COL16A1: variants seen among roughly 807,000 people sequenced by gnomAD.
COL16A1 encodes collagen type XVI alpha 1 chain.
A neutral mutation model predicts 266.3 loss-of-function variants in COL16A1; 189 were observed. The ratio of observed to expected loss-of-function variants is 0.71; its 90% CI spans 0.63 to 0.80. The LOEUF is 0.80. Ranked by LOEUF, COL16A1 falls within the 30% of genes least tolerant of loss-of-function variation. COL16A1 has a pLI of 0.00. For synonymous variants in COL16A1, 740 were observed against 782.3 expected (o/e 0.95, Z 0.90); for missense variants, 1,928 against 2,122.4 (o/e 0.91, Z 1.80).
At position 31,658,491 on chromosome 1, in the gene COL16A1, G is replaced by A; in HGVS notation, c.4017C>T (p.Pro1339=). 2 of 1,599,314 alleles carry A rather than the reference G, an allele frequency of 1.3e-6. No individual in the cohort carries two copies. The highest frequency in any genetic ancestry group is 2.2e-5 in the East Asian group (1 of 44,484). The change falls in exon 64 of 71, where the codon CCC becomes CCT. Residue 1339 remains proline (P), a synonymous_variant. Coordinates refer to ENST00000373672, the MANE Select transcript of COL16A1 (RefSeq NM_001856.4). ...GQPGPPGHPG[P]PGEPGTDGAA... ...GCTGTAGAATGTGGGATCTTACTGGGGGGCCAGGGTGTCCAGGGGGGCCGG... is the reference window on the plus strand; with the variant it reads ...GCTGTAGAATGTGGGATCTTACTGGAGGGCCAGGGTGTCCAGGGGGGCCGG...
rs1280097098 is a variant in COL16A1, at chr1:31,692,017, C to A, written c.1245G>T (p.Lys415Asn). ...GDGGIKGVPG[K>N]PGRDGRPGEI... ...CCCAGGCACCTACGTCCCGGCCTGGCTTTCCCGGCACGCCCTTGATGCCTC... is the reference window on the plus strand; with the variant it reads ...CCCAGGCACCTACGTCCCGGCCTGGATTTCCCGGCACGCCCTTGATGCCTC... The change falls in exon 17 of 71, where the codon AAG (lysine) becomes AAT (asparagine). Residue 415 changes from lysine (K) to asparagine (N), a missense_variant. Physicochemically the swap from Lys to Asn is moderately conservative, Grantham distance 94 (BLOSUM62 0). Around this residue, in one of 2 missense-constraint regions of COL16A1, gnomAD observed 1,552 missense variants for 1,637.2 expected, o/e 0.95. Transcript: ENST00000373672. 2.5e-6 allele frequency: 4 copies of A among 1,613,792 alleles called. No homozygotes were observed. The highest frequency in any genetic ancestry group is 1.3e-5 in the African/African-American group (1 of 74,906).
chr1:31,691,075 C>A, intron 20 of COL16A1, 113 bp downstream of exon 20: 1 of 1,507,806 alleles, frequency 6.6e-7, no homozygotes, highest in Admixed American at 2.1e-5. Flanking sequence ...CCTCCAAAGG[C>A]CCGGCCTCCT....
Position 31,673,879 on chromosome 1 carries a change from G to A in COL16A1, c.2860-1039C>T, listed in dbSNP as rs186184072. On this transcript the variant is annotated intron_variant, in intron 44 of 70. Coordinates refer to ENST00000373672, the MANE Select transcript of COL16A1 (RefSeq NM_001856.4). ...ATCTGACCCCTTCTCCACACTATGC[G>A]CACTTTCTATTTGGAATCCTCTGAA... Among the ~76,000 whole-genome samples, 133 of 152,274 alleles carry A rather than the reference G, an allele frequency of 8.7e-4. 2 individuals are homozygous for A. The highest frequency in any genetic ancestry group is 6.4e-3 in the South Asian group (31 of 4,828).
chr1:31,679,542 G>A (rs1241705253), intron 42 of COL16A1, 90 bp downstream of exon 42: 8 of 1,613,992 alleles, frequency 5.0e-6, no homozygotes, highest in Non-Finnish European at 6.8e-6. Context: ...TTGGGGTGGG[G>A]GAGCAGCATC....
chr1:31,665,059 T>C (rs1315479343), intron 56 of COL16A1, 113 bp downstream of exon 56: 3 of 1,486,566 alleles, frequency 2.0e-6, no homozygotes, highest in East Asian at 2.4e-5. Flanking sequence ...CCAGCCTCAG[T>C]GCAACTGGGT....
intron 68 of COL16A1, among the ~76,000 whole-genome samples, chr1:31,654,259 C>T (rs1640901162): frequency 6.6e-6 from 1 of 152,202 alleles, no homozygotes; most frequent in Non-Finnish European, 1.5e-5. Context: ...AAGCACAGAT[C>T]TGACTATGGC....
At chr1:31,699,696 G>A (rs759532645) in intron 4 of COL16A1, 117 bp downstream of exon 4, 73 of 721,492 alleles carry the variant, frequency 1.0e-4, no homozygotes, top group Non-Finnish European at 1.6e-4. Context: ...CTCCTGGCAG[G>A]GGCTGGGATG....
Position 31,690,570 on chromosome 1 carries a change from T to G in COL16A1, c.1441A>C (p.Ser481Arg). 1 of 1,613,668 alleles carries G rather than the reference T, an allele frequency of 6.2e-7. No homozygotes were observed. The highest frequency in any genetic ancestry group is 8.5e-7 in the Non-Finnish European group (1 of 1,179,832). Reference sequence around the variant, plus strand: ...CCTTCCTTTCCTGGGATCCCCGAGCTGCCCTGTGGTCAGAAGAAAGGATAA... The same window carrying G: ...CCTTCCTTTCCTGGGATCCCCGAGCGGCCCTGTGGTCAGAAGAAAGGATAA... ...GPPGPKGDKG[S>R]SGIPGKEGPG... The change falls in exon 21 of 71, where the codon AGC (serine) becomes CGC (arginine). Residue 481 changes from serine to arginine, a missense_variant. Ser to Arg is a moderately radical substitution (Grantham distance 110, BLOSUM62 -1). Coordinates refer to ENST00000373672, the MANE Select transcript of COL16A1 (RefSeq NM_001856.4).
chr1:31,680,817 C>A, intron 39 of COL16A1, 88 bp downstream of exon 39: 1 of 1,604,378 alleles, frequency 6.2e-7, no homozygotes, highest in Non-Finnish European at 8.5e-7. Context: ...GGAGGGGCTG[C>A]TAATCCCCCA....
chr1:31,688,679 G>C lies in COL16A1; in HGVS notation c.1768-177C>G. 1.8e-6 allele frequency: 2 copies of C among 1,116,694 alleles called. No homozygotes were observed. The highest frequency in any genetic ancestry group is 2.6e-6 in the Non-Finnish European group (2 of 758,986). 69.2% of individuals were successfully genotyped at this position (1,116,694 alleles called of 1,614,324 possible). On this transcript the variant is annotated intron_variant, in intron 25 of 70. Transcript: ENST00000373672. The surrounding 1 kb of genome is among the most constrained non-coding windows in gnomAD (Gnocchi z 4.9). ...CTAGAGGTGCTAAGAGGAAGTTCCA[G>C]GGCAAGGAGCCTGGGGCAGCACAGG...
chr1:31,668,767 C>A lies in COL16A1; in HGVS notation c.3249+35G>T, dbSNP rs778563299. The stretch of plus-strand genomic sequence containing the variant: ...TGCCTCCCCAGCTCTTCCTCCCTTT[C>A]CAGCCCTTTCCAGCCCCTGCCAGCT... On this transcript the variant is annotated intron_variant, in intron 50 of 70. Transcript: ENST00000373672. The surrounding 1 kb of genome is among the most constrained non-coding windows in gnomAD (Gnocchi z 5.8). 6.2e-7 allele frequency: 1 copy of A among 1,613,082 alleles called. No individual in the cohort carries two copies. The highest frequency in any genetic ancestry group is 1.1e-5 in the South Asian group (1 of 91,068).
Position 31,670,751 on chromosome 1 carries a change from G to T in COL16A1, c.3151-105C>A. On this transcript the variant is annotated intron_variant, in intron 48 of 70. Coordinates refer to ENST00000373672, the MANE Select transcript of COL16A1 (RefSeq NM_001856.4). The surrounding 1 kb of genome is among the most constrained non-coding windows in gnomAD (Gnocchi z 4.5). ...GGGGTCATGGGGAGAGGAGGTCATGGGAGTATTTTCAAGGCAGCTGGAAAA... is the reference window on the plus strand; with the variant it reads ...GGGGTCATGGGGAGAGGAGGTCATGTGAGTATTTTCAAGGCAGCTGGAAAA... The T allele has an allele frequency of 1.1e-6, 1 of 948,720 alleles. No individual in the cohort carries two copies. Among genetic ancestry groups the T allele is most frequent in the Non-Finnish European group, 1.4e-6 (1 of 692,486 alleles). 58.8% of individuals were successfully genotyped at this position (948,720 alleles called of 1,614,324 possible). A position where few individuals can be genotyped will look rare whatever the true frequency, so the allele number is the denominator to read the frequency against.
chr1:31,681,069 T>C lies in COL16A1; in HGVS notation c.2539-2A>G. The C allele has an allele frequency of 6.2e-7, 1 of 1,611,532 alleles. No individual in the cohort carries two copies. The highest frequency in any genetic ancestry group is 8.5e-7 in the Non-Finnish European group (1 of 1,178,970). Reference sequence around the variant, plus strand: ...CTGTCCTTGCTGCCCATCACGGCCCTGAAGAGAGAGAGCCCAGAGTCAGAG... The same window carrying C: ...CTGTCCTTGCTGCCCATCACGGCCCCGAAGAGAGAGAGCCCAGAGTCAGAG... On this transcript the variant is annotated splice_acceptor_variant, in intron 37 of 70. Coordinates refer to ENST00000373672, the MANE Select transcript of COL16A1 (RefSeq NM_001856.4). LOFTEE classifies it high-confidence loss of function.
Position 31,695,806 on chromosome 1 carries a change from G to A in COL16A1, c.919-19C>T, listed in dbSNP as rs1044388327. On this transcript the variant is annotated intron_variant, in intron 9 of 70. Coordinates refer to ENST00000373672, the MANE Select transcript of COL16A1 (RefSeq NM_001856.4). ...GATGGACCTGAGGAAAGGGTGGGGG[G>A]TGTGGGAATGGGCAGGGAGCTCAGG... 28 of 1,610,352 alleles carry A rather than the reference G, an allele frequency of 1.7e-5. No homozygotes were observed. Among genetic ancestry groups the A allele is most frequent in the Non-Finnish European group, 2.1e-5 (25 of 1,177,262 alleles).
At chr1:31,692,192 G>C (rs1570565545) in intron 16 of COL16A1, 125 bp from the exon 17 acceptor site, 2 of 1,426,884 alleles carry the variant, frequency 1.4e-6, no homozygotes, top group Non-Finnish European at 9.7e-7. Flanking sequence ...AGGGTGAATG[G>C]CTTCAATCAC....
intron 11 of COL16A1, among the ~76,000 whole-genome samples, chr1:31,694,712 C>G (rs994676957): frequency 2.6e-5 from 4 of 152,164 alleles, no homozygotes; most frequent in Non-Finnish European, 1.5e-5. Flanking sequence ...AGCCCCTCTC[C>G]TTGCCCTTCT....
chr1:31,685,599 C>T lies in COL16A1; in HGVS notation c.2016+40G>A. ...CCTCCCCTCTCCTTAGCCCCGCCTG[C>T]ATCCCCCGTCCAGAGGCCCCTGCCT... On this transcript the variant is annotated intron_variant, in intron 29 of 70. Coordinates refer to ENST00000373672, the MANE Select transcript of COL16A1 (RefSeq NM_001856.4). The surrounding 1 kb of genome is among the most constrained non-coding windows in gnomAD (Gnocchi z 4.0). The T allele has an allele frequency of 1.3e-6, 2 of 1,599,464 alleles. No individual in the cohort carries two copies. Among genetic ancestry groups the T allele is most frequent in the South Asian group, 1.1e-5 (1 of 89,744 alleles).
At chr1:31,676,828 C>T (rs149608761) in intron 42 of COL16A1, among the ~76,000 whole-genome samples, 331 of 152,306 alleles carry the variant, frequency 2.2e-3, no homozygotes, top group African/African-American at 7.7e-3. Context: ...GTGAATGCAC[C>T]GCTGCTCAGC....
Position 31,670,260 on chromosome 1 carries a change from G to GGC in COL16A1, c.3195+340_3195+341dup, listed in dbSNP as rs1489436594. 3.1e-5 allele frequency: 9 copies of GGC among 294,354 alleles called. No individual in the cohort carries two copies. The highest frequency in any genetic ancestry group is 5.0e-5 in the Non-Finnish European group (8 of 160,436). 18.2% of individuals were successfully genotyped at this position (294,354 alleles called of 1,614,324 possible). ...GGCAGGAATGGAGGGGCCCCCTAGA[G>GGC]GCACCAGCTTAAGAGGAAGGTTCAC... On this transcript the variant is annotated intron_variant, in intron 49 of 70. Transcript: ENST00000373672. The surrounding 1 kb of genome is among the most constrained non-coding windows in gnomAD (Gnocchi z 4.5).
Sources: gnomAD v4.1 joint callset for allele counts (sites outside exome capture counted in the v4.1 genomes callset) on GRCh38, gnomAD v4.1.1 for gene constraint, gnomAD v4.1.1 regional missense constraint, Gnocchi (gnomAD v3.1) non-coding constraint, MANE v1.5 for transcripts, NCBI Gene and HGNC (gene_info 2026-07-23, HGNC 2026-07-21) for gene names.